SCN10A: variants seen among roughly 807,000 people sequenced by gnomAD.
SCN10A encodes the protein sodium channel protein type 10 subunit alpha.
Under a neutral mutation model 170.7 loss-of-function variants are expected in SCN10A, and 162 were observed. The ratio of observed to expected loss-of-function variants is 0.95; its 90% confidence interval spans 0.84 to 1.08. SCN10A has a LOEUF of 1.08. Ranked by LOEUF, SCN10A falls within the 50% of genes least tolerant of loss-of-function variation. SCN10A has a pLI of 0.00. For synonymous variants in SCN10A, 985 were observed against 904.6 expected, an observed-to-expected ratio of 1.09 and a Z score of -1.59; for missense variants, 2,527 against 2,436.9, an observed-to-expected ratio of 1.04 and a Z score of -0.78.
At chr3:38,763,626 T>C (rs2063900574) in intron 5 of SCN10A, 30 bp from the exon 6 acceptor site, 2 of 1,549,812 alleles carry the variant, frequency 1.3e-6, no homozygotes, top group Non-Finnish European at 1.8e-6. Flanking sequence ...TCAGCATCTC[T>C]GCAAGCAAGG....
intron 4 of SCN10A, among the ~76,000 whole-genome samples, chr3:38,787,564 G>C (rs1293947225): frequency 6.7e-6 from 1 of 150,190 alleles, no homozygotes; most frequent in African/African-American, 2.4e-5. Flanking sequence ...AGACATCTTT[G>C]GTTTTTTTTT....
intron 26 of SCN10A, among the ~76,000 whole-genome samples, chr3:38,706,378 G>A (rs965275874): frequency 6.6e-6 from 1 of 152,176 alleles, no homozygotes; most frequent in Non-Finnish European, 1.5e-5. Context: ...TAATGAAATT[G>A]TGTCATCAGC....
chr3:38,807,625 T>G (rs1318258057), intron 1 of SCN10A, among the ~76,000 whole-genome samples: 1 of 152,178 alleles, frequency 6.6e-6, no homozygotes, highest in Non-Finnish European at 1.5e-5. Context: ...GATTCTGTCC[T>G]AGTCCTCTTT....
chr3:38,783,300 C>T (rs1002579593), intron 4 of SCN10A, among the ~76,000 whole-genome samples: 3 of 152,134 alleles, frequency 2.0e-5, no homozygotes, highest in Non-Finnish European at 4.4e-5. Context: ...TTCCCAATTA[C>T]ATCCTCCCTC....
At chr3:38,705,844 G>A (rs1324107804) in intron 26 of SCN10A, among the ~76,000 whole-genome samples, 1 of 152,200 alleles carries the variant, frequency 6.6e-6, no homozygotes, top group African/African-American at 2.4e-5. Flanking sequence ...GGACTCAGCT[G>A]CTTGCTTCTC....
intron 3 of SCN10A, among the ~76,000 whole-genome samples, chr3:38,791,264 T>C (rs145646766): frequency 6.6e-6 from 1 of 152,310 alleles, no homozygotes; most frequent in East Asian, 1.9e-4. Context: ...CATTAGGATC[T>C]TTCCATTAGG....
Position 38,698,578 on chromosome 3 carries a change from G to T in SCN10A, c.4658-16C>A. On this transcript the variant is annotated splice_polypyrimidine_tract_variant and intron_variant, in intron 27 of 27. Coordinates refer to ENST00000449082, the MANE Select transcript of SCN10A (RefSeq NM_006514.4). ...AAAATCAGGCCTTTAAAAGAAGGAA[G>T]AAATTATCTAATTAGTATCTCCAGC... 1 of 1,604,896 alleles carries T rather than the reference G, an allele frequency of 6.2e-7. No individual in the cohort carries two copies. Among genetic ancestry groups the T allele is most frequent in the South Asian group, 1.1e-5 (1 of 90,706 alleles).
chr3:38,697,716 G>T lies in SCN10A; in HGVS notation c.5504C>A (p.Ser1835Ter), dbSNP rs1264567014. 1 of 1,614,110 alleles carries T rather than the reference G, an allele frequency of 6.2e-7. No homozygotes were observed. Among genetic ancestry groups the T allele is most frequent in the Non-Finnish European group, 8.5e-7 (1 of 1,180,022 alleles). ...MEEKFMATNLSKSSYEPIATT... is the reference protein window; with the variant it reads ...MEEKFMATNL ...TGCTATTGGTTCATAGGATGATTTT[G>T]AAAGATTAGTTGCCATAAACTTCTC... The change falls in exon 28 of 28, where the codon TCA becomes TAA. Residue 1835 changes from serine to a stop codon, truncating the protein, a stop_gained. Coordinates refer to ENST00000449082, the MANE Select transcript of SCN10A (RefSeq NM_006514.4). LOFTEE classifies it low-confidence loss of function (END_TRUNC).
chr3:38,815,111 A>G (rs2064464299), intron 1 of SCN10A, among the ~76,000 whole-genome samples: 1 of 152,232 alleles, frequency 6.6e-6, no homozygotes, highest in South Asian at 2.1e-4. Context: ...TATGGGGGAA[A>G]AAAAGCCAAA....
chr3:38,729,301 C>T (rs1409120194), intron 15 of SCN10A, among the ~76,000 whole-genome samples: 1 of 152,102 alleles, frequency 6.6e-6, no homozygotes, highest in Non-Finnish European at 1.5e-5. Flanking sequence ...GAGAGACCAG[C>T]CTCCTTCGGG....
In SCN10A at chr3:38,771,360, A is replaced by G; in HGVS notation, c.518T>C (p.Leu173Pro). 6.2e-7 allele frequency: 1 copy of G among 1,614,158 alleles called. No individual in the cohort carries two copies. The highest frequency in any genetic ancestry group is 8.5e-7 in the Non-Finnish European group (1 of 1,179,982). Residue 173 changes from leucine to proline, a missense_variant, in exon 5 of 28, where the codon CTG (leucine) becomes CCG (proline). Leu to Pro is a moderately conservative substitution (Grantham distance 98, BLOSUM62 -3). Transcript: ENST00000449082. ...CTCATTTAGACAAAATCCTCTTGCC[A>G]GTATCTTTATCAAGGCTTCAAAGGT... ...IYTFEALIKI[L>P]ARGFCLNEFT...
chr3:38,763,647 T>C, intron 5 of SCN10A, 51 bp from the exon 6 acceptor site: 1 of 1,335,166 alleles, frequency 7.5e-7, no homozygotes, highest in Non-Finnish European at 1.1e-6. Context: ...GTCCTGGGGA[T>C]GCATGCAGCA....
intron 8 of SCN10A, among the ~76,000 whole-genome samples, chr3:38,758,391 A>T (rs73062597): frequency 0.027 from 4,060 of 152,318 alleles, 84 homozygotes; most frequent in Non-Finnish European, 0.042. Context: ...GCATATAAAC[A>T]GTTCACTGCT....
intron 26 of SCN10A, among the ~76,000 whole-genome samples, chr3:38,703,904 T>C (rs575929383): frequency 3.9e-5 from 6 of 152,356 alleles, no homozygotes; most frequent in African/African-American, 1.2e-4. Flanking sequence ...GGTGTCTGCA[T>C]AGTGCCTGGC....
intron 4 of SCN10A, 66 bp downstream of exon 4, chr3:38,788,890 C>A: frequency 2.1e-6 from 2 of 957,880 alleles, no homozygotes; most frequent in Non-Finnish European, 3.4e-6. Context: ...AAGACAAAGA[C>A]TGCCAAGTGA....
intron 5 of SCN10A, among the ~76,000 whole-genome samples, chr3:38,765,213 T>A (rs1349875766): frequency 6.6e-6 from 1 of 152,242 alleles, no homozygotes; most frequent in Non-Finnish European, 1.5e-5. Context: ...CTTTTTAGTT[T>A]AATTAGATCC....
chr3:38,705,849 C>T (rs944026002), intron 26 of SCN10A, among the ~76,000 whole-genome samples: 2 of 152,178 alleles, frequency 1.3e-5, no homozygotes, highest in African/African-American at 4.8e-5. Context: ...CAGCTGCTTG[C>T]TTCTCAGTAA....
intron 12 of SCN10A, 60 bp from the exon 13 acceptor site, chr3:38,750,244 T>A: frequency 1.0e-6 from 1 of 956,424 alleles, no homozygotes; most frequent in Admixed American, 1.9e-5. Flanking sequence ...ATGGCAAAGT[T>A]GGATCATTCA....
intron 15 of SCN10A, among the ~76,000 whole-genome samples, chr3:38,737,802 TTC>T (rs1288560189): frequency 3.6e-5 from 3 of 84,080 alleles, no homozygotes; most frequent in African/African-American, 5.3e-5. Context: ...CCCTTCCTCT[TTC>T]TTTCTTTCTT....
Sources: allele counts gnomAD v4.1 joint callset (sites outside exome capture counted in the v4.1 genomes callset), GRCh38; gene constraint gnomAD v4.1.1; transcripts MANE v1.5; gene names NCBI Gene and HGNC (gene_info 2026-07-23, HGNC 2026-07-21).